Variants in ERBB2 observed in about 807,000 individuals in gnomAD.
ERBB2 encodes receptor tyrosine-protein kinase erbB-2.
In ERBB2, 61 loss-of-function variants were observed where a neutral mutation model predicts 149.0. The observed-to-expected ratio is 0.41, with a 90% CI of 0.33 to 0.51. The LOEUF (loss-of-function observed/expected upper bound fraction) is 0.51. Ranked by LOEUF, ERBB2 falls within the 20% of genes least tolerant of loss-of-function variation. The pLI, the probability that ERBB2 is intolerant of heterozygous loss-of-function variation, is 0.25. For missense variants in ERBB2, 1,205 were observed against 1,655.1 expected (o/e 0.73, Z 4.72); for synonymous variants, 633 against 678.8 (o/e 0.93, Z 1.05).
At chr17:39,707,236 T>G in intron 2 of ERBB2, 95 bp downstream of exon 2, 1 of 1,106,344 alleles carries the variant, frequency 9.0e-7, no homozygotes, top group Non-Finnish European at 1.2e-6. Context: ...CCTGCCCTTC[T>G]GTTTCCTCTC....
rs776627840 is a variant in ERBB2, at chr17:39,707,246, C to T, written c.225+105C>T. The T allele has an allele frequency of 3.5e-4, 361 of 1,029,372 alleles. 1 individual carries two copies. The highest frequency in any genetic ancestry group is 8.9e-4 in the Admixed American group (24 of 26,962). 63.8% of individuals were successfully genotyped at this position (1,029,372 alleles called of 1,614,324 possible). The stretch of plus-strand genomic sequence containing the variant: ...GGTGCCCTGCCCTTCTGTTTCCTCT[C>T]TTGTTGTGGTTTCTCAACCAGGAAG... On this transcript the variant is annotated intron_variant, in intron 2 of 26. Transcript: ENST00000269571.
chr17:39,696,728 G>C (rs1233853717), upstream of ERBB2: 1 of 152,272 alleles, frequency 6.6e-6, no homozygotes, highest in African/African-American at 2.4e-5. Context: ...GTGTTCTGAG[G>C]AACGTGGCTG....
At chr17:39,715,559 C>G in intron 11 of ERBB2, 23 bp downstream of exon 11, 1 of 1,608,746 alleles carries the variant, frequency 6.2e-7, no homozygotes. Context: ...AAAGAGGGGG[C>G]CTGATGGGGA....
At position 39,725,469 on chromosome 17, in the gene ERBB2, G is replaced by A. The variant is rs2143035054; in HGVS notation, c.2725+67G>A. On this transcript the variant is annotated intron_variant, in intron 22 of 26. Coordinates refer to ENST00000269571, the MANE Select transcript of ERBB2 (RefSeq NM_004448.4). The surrounding 1 kb of genome is among the most constrained non-coding windows in gnomAD (Gnocchi z 4.6). ...TGGCTGGAGGGAGGATGAGAGCTGG[G>A]ATGGGGAGAATTACGGGGCCACCTC... 2 of 1,524,814 alleles carry A rather than the reference G, an allele frequency of 1.3e-6. No homozygotes were observed. The highest frequency in any genetic ancestry group is 1.8e-6 in the Non-Finnish European group (2 of 1,102,376). 94.5% of individuals were successfully genotyped at this position (1,524,814 alleles called of 1,614,324 possible). A position where few individuals can be genotyped will look rare whatever the true frequency, so the allele number is the denominator to read the frequency against.
chr17:39,715,048 G>A (rs994755928), intron 9 of ERBB2, among the ~76,000 whole-genome samples: 3 of 152,194 alleles, frequency 2.0e-5, no homozygotes, highest in Admixed American at 2.0e-4. Context: ...GATTACAGGC[G>A]TGAGCCACTG....
upstream of ERBB2, among the ~76,000 whole-genome samples, chr17:39,697,266 G>A (rs1221392343): frequency 6.6e-6 from 1 of 151,102 alleles, no homozygotes; most frequent in Non-Finnish European, 1.5e-5. Flanking sequence ...CAAGGAATAA[G>A]TTAATTTTAC....
At position 39,703,015 on chromosome 17, in the gene ERBB2, G is replaced by A. The variant is rs867608836; in HGVS notation, c.73+2704G>A. ...GGAGAAGCGCTCCTCTTGTTCAGGCGAATGACCTTTCCATCCACTTCTCTA... is the reference window on the plus strand; with the variant it reads ...GGAGAAGCGCTCCTCTTGTTCAGGCAAATGACCTTTCCATCCACTTCTCTA... On this transcript the variant is annotated intron_variant, in intron 1 of 26. Transcript: ENST00000269571. Among the ~76,000 whole-genome samples the A allele has an allele frequency of 5.3e-5, 8 of 152,370 alleles. No individual in the cohort carries two copies. The East Asian group carries it at 7.7e-4, about 15-fold the overall frequency.
At chr17:39,712,574 A>G (rs1029799586) in intron 9 of ERBB2, 126 bp downstream of exon 9, 4 of 1,174,098 alleles carry the variant, frequency 3.4e-6, no homozygotes, top group Non-Finnish European at 3.6e-6. Flanking sequence ...CAAAGAAAGC[A>G]GATGGGAGAC....
In ERBB2 at chr17:39,723,543, G is replaced by C; in HGVS notation, c.2091G>C (p.Val697=). 1 of 1,612,630 alleles carries C rather than the reference G, an allele frequency of 6.2e-7. No homozygotes were observed. The highest frequency in any genetic ancestry group is 8.5e-7 in the Non-Finnish European group (1 of 1,179,394). Reference sequence around the variant, plus strand: ...CCACCACCCCCTCACCCCAGCTGGTGGAGCCGCTGACACCTAGCGGAGCGA... The same window carrying C: ...CCACCACCCCCTCACCCCAGCTGGTCGAGCCGCTGACACCTAGCGGAGCGA... ...MRRLLQETEL[V]EPLTPSGAMP... Residue 697 remains valine, a synonymous_variant, in exon 18 of 27, where the codon GTG becomes GTC. Coordinates refer to ENST00000269571, the MANE Select transcript of ERBB2 (RefSeq NM_004448.4). The surrounding 1 kb of genome is among the most constrained non-coding windows in gnomAD (Gnocchi z 6.2).
chr17:39,711,585 A>G (rs574766995), intron 7 of ERBB2, among the ~76,000 whole-genome samples: 24 of 152,344 alleles, frequency 1.6e-4, no homozygotes, highest in African/African-American at 5.3e-4. Flanking sequence ...TCTCACAGGA[A>G]CAGGAGTGGG....
At chr17:39,716,748 C>A in intron 14 of ERBB2, 143 bp downstream of exon 14, 2 of 746,378 alleles carry the variant, frequency 2.7e-6, no homozygotes, top group Non-Finnish European at 4.5e-6. Context: ...ACCTGAACAG[C>A]AACAGAGTGG....
chr17:39,704,679 G>A (rs2058318229), intron 1 of ERBB2, among the ~76,000 whole-genome samples: 1 of 152,294 alleles, frequency 6.6e-6, no homozygotes, highest in African/African-American at 2.4e-5. Context: ...GTAGGCTGGT[G>A]GGGGTGTTAG....
intron 1 of ERBB2, among the ~76,000 whole-genome samples, chr17:39,703,986 G>A (rs2058264089): frequency 1.3e-5 from 2 of 152,218 alleles, no homozygotes; most frequent in Non-Finnish European, 1.5e-5. Flanking sequence ...GAAACCTCAG[G>A]ACTGGGGTCA....
chr17:39,705,134 T>C (rs778396710), intron 1 of ERBB2, among the ~76,000 whole-genome samples: 7 of 150,586 alleles, frequency 4.6e-5, no homozygotes, highest in Non-Finnish European at 8.9e-5. Flanking sequence ...GTTATGCAGA[T>C]CCACCGAGAG....
At chr17:39,692,280 G>A (rs2057729474), upstream of ERBB2, among the ~76,000 whole-genome samples, 1 of 152,064 alleles carries the variant, frequency 6.6e-6, no homozygotes, top group Admixed American at 6.6e-5. Context: ...TACGTGTTAT[G>A]CGCGTAGTAT....
intron 9 of ERBB2, among the ~76,000 whole-genome samples, chr17:39,714,772 C>CT (rs1305856787): frequency 2.8e-3 from 384 of 136,196 alleles, no homozygotes; most frequent in Middle Eastern, 7.6e-3. Context: ...GATTTCTTTT[C>CT]TTTTTTTTTT....
At chr17:39,708,297 C>T (rs202029445) in intron 2 of ERBB2, 24 bp from the exon 3 acceptor site, 1,237 of 1,596,398 alleles carry the variant, frequency 7.7e-4, no homozygotes, top group Non-Finnish European at 7.9e-4. Flanking sequence ...CCTATTTCAG[C>T]CCCACTCTGC....
intron 9 of ERBB2, among the ~76,000 whole-genome samples, chr17:39,714,585 C>A (rs1268514704): frequency 1.3e-5 from 2 of 152,114 alleles, no homozygotes; most frequent in Non-Finnish European, 2.9e-5. Context: ...ACTAGGTGCT[C>A]CTAAATGTTG....
intron 1 of ERBB2, 162 bp from the exon 2 acceptor site, chr17:39,706,828 G>A: frequency 3.8e-6 from 2 of 521,286 alleles, no homozygotes; most frequent in South Asian, 6.6e-5. Flanking sequence ...GCTTTCTCCT[G>A]CTGTTAAACC....
Sources: allele counts gnomAD v4.1 joint callset (sites outside exome capture counted in the v4.1 genomes callset), GRCh38; gene constraint gnomAD v4.1.1; non-coding constraint Gnocchi (gnomAD v3.1); transcripts MANE v1.5; gene names NCBI Gene and HGNC (gene_info 2026-07-23, HGNC 2026-07-21).